The following NALCN variants were observed in gnomAD, a reference collection of about 807,000 sequenced individuals.
NALCN encodes sodium leak channel, non-selective, also known as sodium leak channel NALCN.
NALCN carries 111 observed loss-of-function variants against 225.3 expected under a neutral mutation model. The ratio of observed to expected loss-of-function variants is 0.49; its 90% confidence interval spans 0.42 to 0.58. The LOEUF (loss-of-function observed/expected upper bound fraction) is 0.58. Among genes scored for constraint, NALCN ranks in the 20% least tolerant of loss-of-function variants. The pLI is 0.00. For synonymous variants in NALCN, 764 were observed against 769.0 expected (o/e 0.99, Z 0.11); for missense variants, 1,378 against 2,202.4 (o/e 0.63, Z 7.49).
chr13:101,319,183 A>G (rs1239527039), intron 7 of NALCN, among the ~76,000 whole-genome samples: 3 of 152,206 alleles, frequency 2.0e-5, no homozygotes, highest in African/African-American at 7.2e-5. Context: ...GTACAGCCAG[A>G]TATAGAAAGT....
chr13:101,326,904 C>A (rs1008011119), intron 7 of NALCN, among the ~76,000 whole-genome samples: 4 of 152,164 alleles, frequency 2.6e-5, no homozygotes, highest in Admixed American at 6.5e-5. Context: ...GCCTCTTCTC[C>A]TTTTCTAGGC....
rs2034997198 is a variant in NALCN, at chr13:101,104,536, A to C, written c.2751T>G (p.Thr917=). 6.2e-7 allele frequency: 1 copy of C among 1,614,026 alleles called. No individual in the cohort carries two copies. Among genetic ancestry groups the C allele is most frequent in the Non-Finnish European group, 8.5e-7 (1 of 1,179,908 alleles). Residue 917 remains threonine (T), a synonymous_variant, in exon 24 of 44, where the codon ACT becomes ACG. Transcript: ENST00000251127. The surrounding 1 kb of genome is among the most constrained non-coding windows in gnomAD (Gnocchi z 4.2). ...SPFRRVMHAP[T]LQIAEYVFVI... ...TTGCAGCGGTAAGCGGTACCTGCAA[A>C]GTAGGTGCATGCATGACTCTTCGAA...
chr13:101,216,841 GT>G (rs1226892671), intron 13 of NALCN, among the ~76,000 whole-genome samples: 1 of 152,052 alleles, frequency 6.6e-6, no homozygotes. Context: ...TGCAATAACT[GT>G]TTTGGACATA....
chr13:101,144,929 G>C (rs984131017), intron 15 of NALCN, 33 bp from the exon 16 acceptor site: 8 of 1,592,930 alleles, frequency 5.0e-6, no homozygotes, highest in Non-Finnish European at 6.8e-6. Context: ...AAAAAAAGGG[G>C]GAACCTATAA....
At chr13:101,216,009 T>A (rs12430980) in intron 13 of NALCN, among the ~76,000 whole-genome samples, 28,516 of 151,996 alleles carry the variant, frequency 0.19, 2,866 homozygotes, top group East Asian at 0.37. Context: ...CCTACCAGTA[T>A]CGAAGGGTAG....
At chr13:101,215,443 A>C (rs1180497913) in intron 13 of NALCN, among the ~76,000 whole-genome samples, 2 of 152,132 alleles carry the variant, frequency 1.3e-5, no homozygotes, top group Non-Finnish European at 2.9e-5. Context: ...ACAGTTTTTG[A>C]AGGTCAGAAT....
intron 19 of NALCN, 97 bp downstream of exon 19, chr13:101,111,028 C>T: frequency 8.0e-7 from 1 of 1,246,208 alleles, no homozygotes; most frequent in Non-Finnish European, 1.1e-6. Flanking sequence ...GCCTGTCTGG[C>T]AGCCAGGGCT....
intron 15 of NALCN, among the ~76,000 whole-genome samples, chr13:101,150,035 A>G (rs1481902656): frequency 6.6e-6 from 1 of 152,120 alleles, no homozygotes; most frequent in African/African-American, 2.4e-5. Flanking sequence ...TGAGTGGGAA[A>G]ATACATTTGG....
At chr13:101,401,709 A>T (rs867339100) in intron 1 of NALCN, among the ~76,000 whole-genome samples, 4 of 152,228 alleles carry the variant, frequency 2.6e-5, no homozygotes, top group African/African-American at 7.2e-5. Context: ...GAATGACATT[A>T]GCTGTCACTC....
intron 7 of NALCN, among the ~76,000 whole-genome samples, chr13:101,319,350 G>A (rs1238136826): frequency 6.6e-6 from 1 of 152,074 alleles, no homozygotes; most frequent in East Asian, 1.9e-4. Context: ...TTCATCCTGT[G>A]CCAAACCTAC....
intron 18 of NALCN, among the ~76,000 whole-genome samples, chr13:101,119,895 C>CAGTA (rs1248428901): frequency 6.6e-6 from 1 of 152,138 alleles, no homozygotes; most frequent in East Asian, 1.9e-4. Context: ...TAGCATGGGC[C>CAGTA]AGTAGCCTCA....
At chr13:101,163,647 G>A (rs1405921517) in intron 15 of NALCN, among the ~76,000 whole-genome samples, 5 of 152,062 alleles carry the variant, frequency 3.3e-5, no homozygotes, top group African/African-American at 9.7e-5. Context: ...CCAAGGGTAC[G>A]TCCATTGTTC....
chr13:101,377,585 T>C (rs567519475), intron 4 of NALCN, among the ~76,000 whole-genome samples: 39 of 152,048 alleles, frequency 2.6e-4, no homozygotes, highest in African/African-American at 9.2e-4. Context: ...AGTGATGAAA[T>C]TAAATTGTGG....
At chr13:101,408,291 C>T (rs939947942) in intron 1 of NALCN, among the ~76,000 whole-genome samples, 4 of 151,980 alleles carry the variant, frequency 2.6e-5, no homozygotes, top group Non-Finnish European at 5.9e-5. Flanking sequence ...CCAGTCCTTC[C>T]GGGCCCTCTC....
At chr13:101,362,961 TAAATC>T (rs1184541860) in intron 6 of NALCN, among the ~76,000 whole-genome samples, 1 of 151,644 alleles carries the variant, frequency 6.6e-6, no homozygotes, top group East Asian at 1.9e-4. Flanking sequence ...ATCTGAAAAA[TAAATC>T]AAGAAAGCAA....
chr13:101,181,906 G>A (rs186172610), intron 14 of NALCN, among the ~76,000 whole-genome samples: 145 of 152,190 alleles, frequency 9.5e-4, no homozygotes, highest in Middle Eastern at 3.4e-3. Context: ...GGCCAAGGCC[G>A]GCAGATCACG....
chr13:101,337,335 G>C (rs1315239982), intron 7 of NALCN, among the ~76,000 whole-genome samples: 1 of 150,788 alleles, frequency 6.6e-6, no homozygotes, highest in African/African-American at 2.5e-5. Context: ...TTGAGACAGA[G>C]TCTTGCTCTG....
At chr13:101,062,196 G>A (rs2032007948) in intron 40 of NALCN, 78 bp from the exon 41 acceptor site, 10 of 1,510,972 alleles carry the variant, frequency 6.6e-6, no homozygotes, top group Non-Finnish European at 9.0e-6. Context: ...AAAATCCAGA[G>A]AGGACATCAC....
intron 34 of NALCN, 51 bp from the exon 35 acceptor site, chr13:101,075,992 T>C (rs1430179569): frequency 6.6e-7 from 1 of 1,506,212 alleles, no homozygotes; most frequent in South Asian, 1.2e-5. Context: ...AAAGATCTTG[T>C]TACAGTTCCA....
Sources: gnomAD v4.1 joint callset for allele counts (sites outside exome capture counted in the v4.1 genomes callset) on GRCh38, gnomAD v4.1.1 for gene constraint, Gnocchi (gnomAD v3.1) non-coding constraint, MANE v1.5 for transcripts, NCBI Gene and HGNC (gene_info 2026-07-23, HGNC 2026-07-21) for gene names.